The following SYNGR1 variants were observed in gnomAD, a reference collection of about 807,000 sequenced individuals.
SYNGR1 encodes synaptogyrin-1.
Under a neutral mutation model 26.1 loss-of-function variants are expected in SYNGR1, and 14 were observed. The observed-to-expected ratio is 0.54, with a 90% CI of 0.35 to 0.84. The LOEUF (loss-of-function observed/expected upper bound fraction) is 0.84. Ranked by LOEUF, SYNGR1 falls within the 40% of genes least tolerant of loss-of-function variation. The probability of loss-of-function intolerance (pLI) is 0.01; values close to 1 mark genes in which losing one functional copy is unlikely to be tolerated. For missense variants in SYNGR1, 319 were observed against 332.9 expected (o/e 0.96, Z 0.33); for synonymous variants, 141 against 150.1 (o/e 0.94, Z 0.44).
chr22:39,385,035 G>A lies in SYNGR1; in HGVS notation c.*3121G>A. On this transcript the variant is annotated 3_prime_UTR_variant, in exon 4 of 4. Coordinates refer to ENST00000328933, the MANE Select transcript of SYNGR1 (RefSeq NM_004711.5). Reference sequence around the variant, plus strand: ...TAGTTCCCTACTCCATCCTTCCCTGGTGATTCTTGATCTTCAAAGCCTCGG... The same window carrying A: ...TAGTTCCCTACTCCATCCTTCCCTGATGATTCTTGATCTTCAAAGCCTCGG... The A allele has an allele frequency of 2.5e-6, 1 of 398,900 alleles. No homozygotes were observed. 24.7% of individuals were successfully genotyped at this position (398,900 alleles called of 1,614,324 possible). A position where few individuals can be genotyped will look rare whatever the true frequency, so the allele number is the denominator to read the frequency against.
At position 39,384,195 on chromosome 22, in the gene SYNGR1, CCTG is replaced by C. The variant is rs1925589016; in HGVS notation, c.*2285_*2287del. 4.1e-6 allele frequency: 1 copy of C among 245,092 alleles called. No individual in the cohort carries two copies. The highest frequency in any genetic ancestry group is 1.8e-4 in the South Asian group (1 of 5,634). The allele number at this position is 245,092 out of a possible 1,614,324, so 15.2% of individuals were successfully genotyped here. ...CACCCACTGTCCACCAAAAGCCTCT[CCTG>C]CTGATGGGCACTAGGAGACCTCAGG... On this transcript the variant is annotated 3_prime_UTR_variant, in exon 4 of 4. Coordinates refer to ENST00000328933, the MANE Select transcript of SYNGR1 (RefSeq NM_004711.5).
intron 1 of SYNGR1, among the ~76,000 whole-genome samples, chr22:39,368,144 T>C (rs1924855607): frequency 6.6e-6 from 1 of 152,150 alleles, no homozygotes. Context: ...GTTCCATGAG[T>C]TTAGTGGCAG....
intron 1 of SYNGR1, among the ~76,000 whole-genome samples, chr22:39,351,873 GGTGAAGGTGAT>G (rs1923922149): frequency 6.6e-6 from 1 of 152,228 alleles, no homozygotes; most frequent in African/African-American, 2.4e-5. Context: ...CAAATTTCAT[GGTGAAGGTGAT>G]GTCAGATTGG....
intron 3 of SYNGR1, chr22:39,377,649 G>C (rs1333028533): frequency 6.2e-7 from 1 of 1,613,998 alleles, no homozygotes; most frequent in Admixed American, 1.7e-5. Context: ...AAGCTTCCAG[G>C]AGGAGTACAG....
At chr22:39,376,377 G>A (rs1010130800) in intron 3 of SYNGR1, among the ~76,000 whole-genome samples, 180 bp downstream of exon 3, 7 of 152,164 alleles carry the variant, frequency 4.6e-5, no homozygotes, top group Non-Finnish European at 7.3e-5. Context: ...TCAGCAAGGA[G>A]GCTACAGCCC....
At chr22:39,362,290 C>T (rs1227127539) in intron 1 of SYNGR1, among the ~76,000 whole-genome samples, 2 of 152,162 alleles carry the variant, frequency 1.3e-5, no homozygotes, top group East Asian at 1.9e-4. Flanking sequence ...CAGGGGTCTG[C>T]TCGCCCAGGC....
intron 1 of SYNGR1, among the ~76,000 whole-genome samples, chr22:39,369,624 A>G (rs1924927447): frequency 6.6e-6 from 1 of 152,240 alleles, no homozygotes; most frequent in Non-Finnish European, 1.5e-5. Flanking sequence ...CCTGGGTTCA[A>G]CTTCAGCCTG....
At chr22:39,358,248 G>C (rs916836096) in intron 1 of SYNGR1, among the ~76,000 whole-genome samples, 54 of 151,730 alleles carry the variant, frequency 3.6e-4, no homozygotes, top group Non-Finnish European at 7.2e-4. Flanking sequence ...TGATGGGGAC[G>C]TGGAGAACCT....
chr22:39,379,005 G>C (rs11914120), intron 3 of SYNGR1, among the ~76,000 whole-genome samples: 6,531 of 152,312 alleles, frequency 0.043, 459 homozygotes, highest in African/African-American at 0.14. Flanking sequence ...CAGGAAACCA[G>C]CCTGGATAGT....
In SYNGR1 at chr22:39,350,133, T is replaced by C; in HGVS notation, c.99+24T>C. On this transcript the variant is annotated intron_variant, in intron 1 of 3. Coordinates refer to ENST00000328933, the MANE Select transcript of SYNGR1 (RefSeq NM_004711.5). The surrounding 1 kb of genome is among the most constrained non-coding windows in gnomAD (Gnocchi z 4.3). ...GGGTAAGGACGGACTGGCCGACGGC[T>C]CTGCCAGGCCGGGGTGGTGGGGGTG... 1 of 1,394,580 alleles carries C rather than the reference T, an allele frequency of 7.2e-7. No individual in the cohort carries two copies. Among genetic ancestry groups the C allele is most frequent in the Non-Finnish European group, 9.5e-7 (1 of 1,055,016 alleles). 86.4% of individuals were successfully genotyped at this position (1,394,580 alleles called of 1,614,324 possible).
chr22:39,359,197 G>A (rs992261681), intron 1 of SYNGR1, among the ~76,000 whole-genome samples: 31 of 152,208 alleles, frequency 2.0e-4, no homozygotes, highest in African/African-American at 6.5e-4. Context: ...TGTAGAGGTC[G>A]ACAGGGTCCT....
intron 3 of SYNGR1, among the ~76,000 whole-genome samples, chr22:39,378,696 C>A (rs1438423382): frequency 2.6e-5 from 4 of 152,240 alleles, no homozygotes; most frequent in African/African-American, 9.6e-5. Flanking sequence ...TGCAGACTGC[C>A]TGCTGCACGC....
At chr22:39,362,338 C>T (rs942083221) in intron 1 of SYNGR1, among the ~76,000 whole-genome samples, 4 of 152,142 alleles carry the variant, frequency 2.6e-5, no homozygotes, top group African/African-American at 9.7e-5. Flanking sequence ...CACCACCGAG[C>T]ACTCGGGGCG....
At chr22:39,365,843 T>A (rs1258101204) in intron 1 of SYNGR1, among the ~76,000 whole-genome samples, 2 of 151,914 alleles carry the variant, frequency 1.3e-5, no homozygotes, top group Non-Finnish European at 2.9e-5. Context: ...TTCTTTTTTT[T>A]TTCTTTTTCA....
intron 3 of SYNGR1, chr22:39,377,612 C>CCTGGCCGT (rs746938796): frequency 6.2e-7 from 1 of 1,614,040 alleles, no homozygotes; most frequent in Admixed American, 1.7e-5. Flanking sequence ...TGACCGCAGC[C>CCTGGCCGT]CTGGCCGTGC....
In SYNGR1 at chr22:39,350,785, TA is replaced by T. The variant is rs993508798; in HGVS notation, c.99+677del. Among the ~76,000 whole-genome samples the T allele has an allele frequency of 3.9e-5, 6 of 152,134 alleles. No homozygotes were observed. Among genetic ancestry groups the T allele is most frequent in the African/African-American group, 1.4e-4 (6 of 41,422 alleles). On this transcript the variant is annotated intron_variant, in intron 1 of 3. Transcript: ENST00000328933. This position sits in a 1 kb window ranked among gnomAD's most constrained non-coding sequence, Gnocchi z 4.3. The stretch of plus-strand genomic sequence containing the variant: ...TCTCATGCCTCAGTTTCCCAATTTA[TA>T]GACAAGGTGGGCGGAGCCTTCTTGA...
intron 1 of SYNGR1, among the ~76,000 whole-genome samples, chr22:39,363,079 G>A (rs1924565044): frequency 1.3e-5 from 2 of 152,204 alleles, no homozygotes. Flanking sequence ...TGAGGAGCCA[G>A]CTGAAGGAAG....
intron 1 of SYNGR1, among the ~76,000 whole-genome samples, chr22:39,368,010 C>T (rs1924846506): frequency 6.6e-6 from 1 of 152,154 alleles, no homozygotes; most frequent in African/African-American, 2.4e-5. Flanking sequence ...CATACTTCCC[C>T]CAGATCTTTG....
chr22:39,372,535 C>G (rs1382081479), intron 1 of SYNGR1, among the ~76,000 whole-genome samples: 1 of 149,004 alleles, frequency 6.7e-6, no homozygotes, highest in East Asian at 2.0e-4. Flanking sequence ...ACTGCAACCT[C>G]CGCCCAGGCC....
Sources: gnomAD v4.1 joint callset for allele counts (sites outside exome capture counted in the v4.1 genomes callset) on GRCh38, gnomAD v4.1.1 for gene constraint, Gnocchi (gnomAD v3.1) non-coding constraint, MANE v1.5 for transcripts, NCBI Gene and HGNC (gene_info 2026-07-23, HGNC 2026-07-21) for gene names.